The following USP9Y variants were observed in gnomAD, a reference collection of about 807,000 sequenced individuals.
The protein encoded by USP9Y is ubiquitin specific peptidase 9 Y-linked.
Under a neutral mutation model 53.1 loss-of-function variants are expected in USP9Y, and 41 were observed. That is an observed-to-expected ratio of 0.77 (90% confidence interval 0.60 to 1.00). The LOEUF is 1.00. Among genes scored for constraint, USP9Y ranks in the 50% least tolerant of loss-of-function variants. USP9Y has a pLI of 0.00. For missense variants in USP9Y, 567 were observed against 535.8 expected, an observed-to-expected ratio of 1.06 and a Z score of -0.58; for synonymous variants, 220 against 173.7, an observed-to-expected ratio of 1.27 and a Z score of -2.09.
chrY:12,838,168 G>A, intron 35 of USP9Y, 116 bp downstream of exon 35: 2 of 158,975 alleles, frequency 1.3e-5, no homozygotes, highest in Non-Finnish European at 1.1e-5. Context: ...TGTTACAGTG[G>A]TAGCAGAGAG....
At chrY:12,782,087 T>C in intron 22 of USP9Y, among the ~76,000 whole-genome samples, 1 of 32,734 alleles carries the variant, frequency 3.1e-5, no homozygotes, top group Non-Finnish European at 7.5e-5. Context: ...TGGATTGCAG[T>C]GGTACCCTCT....
At chrY:12,852,548 T>G (rs940785494) in intron 42 of USP9Y, among the ~76,000 whole-genome samples, 2 of 33,356 alleles carry the variant, frequency 6.0e-5, no homozygotes, top group African/African-American at 1.2e-4. Context: ...TGTCCAACTT[T>G]GTTCCGTTGC....
chrY:12,821,727 G>A (rs2053541805), intron 33 of USP9Y, among the ~76,000 whole-genome samples: 1 of 30,695 alleles, frequency 3.3e-5, no homozygotes, highest in South Asian at 7.7e-4. Flanking sequence ...TTTACATCCC[G>A]GGTTCAAGAA....
At chrY:12,760,958 C>A (rs2053474843) in intron 15 of USP9Y, among the ~76,000 whole-genome samples, 1 of 34,056 alleles carries the variant, frequency 2.9e-5, no homozygotes, top group South Asian at 6.5e-4. Flanking sequence ...CAAGTCATTA[C>A]GCTTTTGCTC....
At chrY:12,829,633 G>A in intron 33 of USP9Y, among the ~76,000 whole-genome samples, 1 of 33,669 alleles carries the variant, frequency 3.0e-5, no homozygotes. Context: ...CTCTTCCAAA[G>A]ACGACATTAG....
rs1033413171 is a variant in USP9Y at position 12,857,569 on chromosome Y, C to A, written c.7438C>A (p.Pro2480Thr). 4 of 381,931 alleles carry A rather than the reference C, an allele frequency of 1.0e-5. No homozygotes were observed. Among genetic ancestry groups the A allele is most frequent in the East Asian group, 2.0e-4 (2 of 10,235 alleles). The change falls in exon 45 of 46, where the codon CCA (proline) becomes ACA (threonine). Residue 2480 changes from proline (P) to threonine (T), a missense_variant. Pro to Thr is a conservative substitution (Grantham distance 38). Transcript: ENST00000338981. Reference protein sequence around the residue: ...KACELCPEEEPDDQDAPDEHE... With the variant: ...KACELCPEEETDDQDAPDEHE... ...CTCTTTAAATATTTAAAATTAGGAGCCAGATGACCAGGATGCCCCAGATGA... is the reference window on the plus strand; with the variant it reads ...CTCTTTAAATATTTAAAATTAGGAGACAGATGACCAGGATGCCCCAGATGA...
At chrY:12,721,444 G>A in intron 4 of USP9Y, among the ~76,000 whole-genome samples, 1 of 33,297 alleles carries the variant, frequency 3.0e-5, no homozygotes, top group Non-Finnish European at 7.4e-5. Flanking sequence ...TTATTTCTGG[G>A]GAGTAGTGGG....
intron 13 of USP9Y, 143 bp from the exon 14 acceptor site, chrY:12,758,363 T>A: frequency 8.1e-6 from 1 of 123,956 alleles, no homozygotes; most frequent in Non-Finnish European, 1.5e-5. Flanking sequence ...AGCATTTTGT[T>A]TGAACTCTTT....
intron 15 of USP9Y, among the ~76,000 whole-genome samples, chrY:12,768,697 C>T (rs751946077): frequency 3.1e-5 from 1 of 32,308 alleles, no homozygotes; most frequent in Non-Finnish European, 7.5e-5. Flanking sequence ...TTCCAATACT[C>T]ATCATTTATG....
intron 3 of USP9Y, among the ~76,000 whole-genome samples, chrY:12,718,143 C>T: frequency 5.9e-5 from 2 of 34,167 alleles, no homozygotes; most frequent in African/African-American, 2.3e-4. Context: ...TGATTTTCCA[C>T]CTGCATCTGC....
chrY:12,750,087 AT>A, intron 12 of USP9Y, among the ~76,000 whole-genome samples: 1 of 29,919 alleles, frequency 3.3e-5, no homozygotes, highest in Non-Finnish European at 8.2e-5. Flanking sequence ...TTGTTCAGCA[AT>A]TTTTTTTTTT....
chrY:12,846,477 G>A lies in USP9Y; in HGVS notation c.6713G>A (p.Arg2238His). ...TATTCAGTAGTGTCTCAGCTGATTC[G>A]TTGTTGCAATGTGTCATCAACAATG... Reference protein sequence around the residue: ...KLYSVVSQLIRCCNVSSTMQS... With the variant: ...KLYSVVSQLIHCCNVSSTMQS... The change falls in exon 40 of 46, where the codon CGT becomes CAT. Residue 2238 changes from arginine to histidine, a missense_variant. Coordinates refer to ENST00000338981, the MANE Select transcript of USP9Y (RefSeq NM_004654.4). 1 of 398,068 alleles carries A rather than the reference G, an allele frequency of 2.5e-6. No homozygotes were observed. Among genetic ancestry groups the A allele is most frequent in the Non-Finnish European group, 3.5e-6 (1 of 283,205 alleles).
intron 15 of USP9Y, among the ~76,000 whole-genome samples, chrY:12,768,627 A>G: frequency 3.1e-5 from 1 of 32,050 alleles, no homozygotes; most frequent in Non-Finnish European, 7.5e-5. Context: ...TTTTTTTTCA[A>G]TATTTCTAAG....
At chrY:12,799,416 G>T (rs2053516553) in intron 27 of USP9Y, among the ~76,000 whole-genome samples, 2 of 33,514 alleles carry the variant, frequency 6.0e-5, no homozygotes, top group African/African-American at 2.4e-4. Context: ...CCTTATGGAG[G>T]ACTCCCACAC....
rs773171729 is a variant in USP9Y at position 12,758,541 on chromosome Y, C to T, written c.1665C>T (p.His555=). 2.6e-6 allele frequency: 1 copy of T among 388,309 alleles called. No homozygotes were observed. Among genetic ancestry groups the T allele is most frequent in the Non-Finnish European group, 3.6e-6 (1 of 276,803 alleles). ...CACAGAAGATCCAGTGGATAGATCACTTTATAGAAGAACTTCGCACAAATG... is the reference window on the plus strand; with the variant it reads ...CACAGAAGATCCAGTGGATAGATCATTTTATAGAAGAACTTCGCACAAATG... ...RDAQKIQWID[H]FIEELRTNDK... is the part of the protein sequence containing the mutation. Residue 555 remains histidine (H), a synonymous_variant, in exon 14 of 46, where the codon CAC becomes CAT. Coordinates refer to ENST00000338981, the MANE Select transcript of USP9Y (RefSeq NM_004654.4).
intron 39 of USP9Y, 144 bp downstream of exon 39, chrY:12,843,337 T>C: frequency 7.3e-6 from 1 of 136,920 alleles, no homozygotes. Context: ...GCATTGCAAA[T>C]TTTCTGTGTA....
intron 34 of USP9Y, among the ~76,000 whole-genome samples, chrY:12,836,069 G>T: frequency 3.1e-5 from 1 of 32,552 alleles, no homozygotes; most frequent in Non-Finnish European, 7.5e-5. Flanking sequence ...GGCCTCAAGT[G>T]ACCCTCTCCT....
chrY:12,806,362 A>T, intron 27 of USP9Y, among the ~76,000 whole-genome samples: 2 of 33,462 alleles, frequency 6.0e-5, no homozygotes, highest in African/African-American at 2.3e-4. Flanking sequence ...ATTGTCTCAG[A>T]TTATATCTGT....
chrY:12,706,303 C>T, intron 1 of USP9Y, among the ~76,000 whole-genome samples: 1 of 33,529 alleles, frequency 3.0e-5, no homozygotes, highest in African/African-American at 1.2e-4. Context: ...CTTAAAGCAG[C>T]TTGTATACAA....
Sources: allele counts gnomAD v4.1 joint callset (sites outside exome capture counted in the v4.1 genomes callset), GRCh38; gene constraint gnomAD v4.1.1; transcripts MANE v1.5; gene names NCBI Gene and HGNC (gene_info 2026-07-23, HGNC 2026-07-21).